CCDC14: variants seen among roughly 807,000 people sequenced by gnomAD.
The protein encoded by CCDC14 is coiled-coil domain containing 14.
CCDC14 carries 71 observed loss-of-function variants against 81.4 expected under a neutral mutation model. The observed-to-expected ratio is 0.87, with a 90% CI of 0.72 to 1.06. The LOEUF is 1.06. Ranked by LOEUF, CCDC14 falls within the 50% of genes least tolerant of loss-of-function variation. The pLI, the probability that CCDC14 is intolerant of heterozygous loss-of-function variation, is 0.00. For synonymous variants in CCDC14, 332 were observed against 364.8 expected (o/e 0.91, Z 1.03); for missense variants, 1,046 against 1,047.3 (o/e 1.00, Z 0.02).
intron 9 of CCDC14, among the ~76,000 whole-genome samples, chr3:123,937,178 TG>T (rs1445735459): frequency 6.6e-6 from 1 of 152,110 alleles, no homozygotes; most frequent in Non-Finnish European, 1.5e-5. Context: ...TGTGGACACA[TG>T]CTTTGGCTTC....
chr3:123,939,913 A>G (rs2036261219), intron 9 of CCDC14, among the ~76,000 whole-genome samples: 1 of 151,972 alleles, frequency 6.6e-6, no homozygotes, highest in African/African-American at 2.4e-5. Context: ...TGGGGATGAA[A>G]AAGTTTTGGC....
intron 2 of CCDC14, 45 bp from the exon 3 acceptor site, chr3:123,956,472 A>C (rs1559809402): frequency 3.0e-6 from 4 of 1,339,064 alleles, no homozygotes; most frequent in Non-Finnish European, 4.2e-6. Flanking sequence ...TTTTTCCCAA[A>C]ATATATTAGT....
intron 9 of CCDC14, among the ~76,000 whole-genome samples, chr3:123,939,851 G>T (rs1209565431): frequency 6.6e-6 from 1 of 151,816 alleles, no homozygotes; most frequent in Non-Finnish European, 1.5e-5. Context: ...TTACGAGGAA[G>T]TAAGAAAAGG....
chr3:123,928,532 A>G (rs968579155), intron 12 of CCDC14, among the ~76,000 whole-genome samples: 2 of 152,056 alleles, frequency 1.3e-5, no homozygotes, highest in African/African-American at 4.8e-5. Context: ...TAAATAAAAA[A>G]GATGTATCCC....
chr3:123,890,719 T>C, the CCDC14 span, among the ~76,000 whole-genome samples: 1 of 152,154 alleles, frequency 6.6e-6, no homozygotes, highest in South Asian at 2.1e-4. Flanking sequence ...TGGGCTGGCA[T>C]TGAGTGTCTG....
chr3:123,895,207 C>T (rs145097955), downstream of CCDC14, among the ~76,000 whole-genome samples: 3 of 152,264 alleles, frequency 2.0e-5, no homozygotes, highest in African/African-American at 7.2e-5. Context: ...TTCTGCAAGT[C>T]TGGATCTCCC....
Position 123,939,845 on chromosome 3 carries a change from G to A in CCDC14, c.1343+5004C>T, listed in dbSNP as rs72964820. Among the ~76,000 whole-genome samples, 845 of 151,832 alleles carry A rather than the reference G, an allele frequency of 5.6e-3. 12 individuals carry two copies. Among genetic ancestry groups the A allele is most frequent in the African/African-American group, 0.019 (806 of 41,454 alleles). On this transcript the variant is annotated intron_variant, in intron 9 of 12. Coordinates refer to ENST00000409697, the MANE Select transcript of CCDC14 (RefSeq NM_001366335.1). ...AAAACAACAAAAAACAAGAACTTAC[G>A]AGGAAGTAAGAAAAGGAAGAAGAGA...
the CCDC14 span, among the ~76,000 whole-genome samples, chr3:123,890,826 C>CTAGTA: frequency 6.6e-6 from 1 of 152,158 alleles, no homozygotes; most frequent in Middle Eastern, 3.2e-3. Context: ...TAGGCAGTAC[C>CTAGTA]CTAGTAGGGA....
chr3:123,899,991 A>AGGG (rs1346704549), intron 5 of CCDC14, among the ~76,000 whole-genome samples: 12 of 152,208 alleles, frequency 7.9e-5, no homozygotes, highest in African/African-American at 2.9e-4. Flanking sequence ...GTGCTCCAAT[A>AGGG]ACATGTGCCT....
At chr3:123,899,800 C>T (rs1190391697) in intron 5 of CCDC14, among the ~76,000 whole-genome samples, 2 of 152,190 alleles carry the variant, frequency 1.3e-5, no homozygotes, top group Non-Finnish European at 2.9e-5. Flanking sequence ...AACTCCTGAT[C>T]TTTTTTCTGG....
chr3:123,942,431 A>G (rs1313168538), intron 9 of CCDC14, among the ~76,000 whole-genome samples: 1 of 152,080 alleles, frequency 6.6e-6, no homozygotes, highest in Non-Finnish European at 1.5e-5. Flanking sequence ...AAGACTAAAG[A>G]TGATATTAGA....
At chr3:123,945,188 G>T (rs2682242) in intron 8 of CCDC14, among the ~76,000 whole-genome samples, 198 bp from the exon 9 acceptor site, 16,641 of 151,492 alleles carry the variant, frequency 0.11, 2,207 homozygotes, top group East Asian at 0.35. Context: ...GAATTCTAAA[G>T]AAATTAAGTT....
intron 2 of CCDC14, 97 bp downstream of exon 2, chr3:123,956,643 G>A (rs1042559308): frequency 1.1e-6 from 1 of 934,754 alleles, no homozygotes; most frequent in Non-Finnish European, 1.6e-6. Flanking sequence ...GATGGTAGAG[G>A]CCTACCTAAT....
In CCDC14 at chr3:123,915,472, G is replaced by C. The variant is rs2034618406; in HGVS notation, c.2025C>G (p.Thr675=). Residue 675 remains threonine, a synonymous_variant, in exon 13 of 13, where the codon ACC becomes ACG. Coordinates refer to ENST00000409697, the MANE Select transcript of CCDC14 (RefSeq NM_001366335.1). ...CTCTGGAGGACAGAACATTTTCATA[G>C]GTTTTGTCTGGCTCTATGGTTTCCT... ...KNEETIEPDK[T]YENVLSSRGP... is the part of the protein sequence containing the mutation. 1 of 1,613,832 alleles carries C rather than the reference G, an allele frequency of 6.2e-7. No individual in the cohort carries two copies. The highest frequency in any genetic ancestry group is 1.7e-5 in the Admixed American group (1 of 60,000).
chr3:123,918,856 A>C (rs1246213471), intron 12 of CCDC14, among the ~76,000 whole-genome samples: 1 of 152,228 alleles, frequency 6.6e-6, no homozygotes, highest in African/African-American at 2.4e-5. Context: ...CAGACCAGAG[A>C]GACCAGTCAA....
chr3:123,952,263 C>T (rs529144801), intron 5 of CCDC14, among the ~76,000 whole-genome samples: 12 of 152,222 alleles, frequency 7.9e-5, no homozygotes, highest in African/African-American at 2.2e-4. Flanking sequence ...TCCTGCCACT[C>T]GAATATAGAA....
At chr3:123,941,753 T>G (rs1025921467) in intron 9 of CCDC14, among the ~76,000 whole-genome samples, 6 of 151,962 alleles carry the variant, frequency 3.9e-5, no homozygotes, top group Non-Finnish European at 1.5e-5. Context: ...AGGTCAGACA[T>G]CAAACAAATA....
chr3:123,949,626 A>G (rs983908814), intron 5 of CCDC14: 1 of 154,228 alleles, frequency 6.5e-6, no homozygotes, highest in Non-Finnish European at 1.4e-5. Flanking sequence ...CTTGACCACA[A>G]GCTACTTTTC....
In CCDC14 at chr3:123,933,659, G is replaced by T; in HGVS notation, c.1426+14C>A. The T allele has an allele frequency of 6.5e-7, 1 of 1,541,418 alleles. No individual in the cohort carries two copies. The highest frequency in any genetic ancestry group is 8.8e-7 in the Non-Finnish European group (1 of 1,134,346). ...CACAAATAATTTATCAATCCTTAAA[G>T]TTCTTTTACCTACATTCAAGGTTGC... On this transcript the variant is annotated intron_variant, in intron 10 of 12. Coordinates refer to ENST00000409697, the MANE Select transcript of CCDC14 (RefSeq NM_001366335.1).
Sources: gnomAD v4.1 joint callset for allele counts (sites outside exome capture counted in the v4.1 genomes callset) on GRCh38, gnomAD v4.1.1 for gene constraint, MANE v1.5 for transcripts, NCBI Gene and HGNC (gene_info 2026-07-23, HGNC 2026-07-21) for gene names.